The following ADGRE2 variants were observed in gnomAD, a reference collection of about 807,000 sequenced individuals.
The protein encoded by ADGRE2 is adhesion G protein-coupled receptor E2, also known as CD97 antigen.
Under a neutral mutation model 100.8 loss-of-function variants are expected in ADGRE2, and 83 were observed. That is an observed-to-expected ratio of 0.82 (90% CI 0.69 to 0.99). ADGRE2 has a LOEUF of 0.99. ADGRE2 is among the 50% of genes least tolerant of loss of function. ADGRE2 has a pLI of 0.00. For synonymous variants in ADGRE2, 355 were observed against 413.0 expected, an observed-to-expected ratio of 0.86 and a Z score of 1.70; for missense variants, 814 against 1,035.7, an observed-to-expected ratio of 0.79 and a Z score of 2.94.
intron 20 of ADGRE2, among the ~76,000 whole-genome samples, chr19:14,740,222 TTG>T (rs141784493): frequency 0.086 from 12,757 of 148,804 alleles, 1,837 homozygotes; most frequent in African/African-American, 0.3. Flanking sequence ...TGACTTGGAT[TTG>T]TGTGTGTGTG....
chr19:14,733,649 A>G lies in ADGRE2; in HGVS notation c.*2587T>C, dbSNP rs2042700497. ...AAACTCTCCCACCCTAAATCCTTAA[A>G]CACTCTTAGTCTGTAGAAAAGACTC... On this transcript the variant is annotated 3_prime_UTR_variant, in exon 21 of 21. Coordinates refer to ENST00000315576, the MANE Select transcript of ADGRE2 (RefSeq NM_013447.4). 2 of 152,200 alleles carry G rather than the reference A, an allele frequency of 1.3e-5. No homozygotes were observed. The highest frequency in any genetic ancestry group is 1.5e-5 in the Non-Finnish European group (1 of 68,056). 9.4% of individuals were successfully genotyped at this position (152,200 alleles called of 1,614,324 possible).
In ADGRE2 at chr19:14,732,466, A is replaced by C. The variant is rs1267747871; in HGVS notation, c.*3770T>G. Reference sequence around the variant, plus strand: ...TGGAGTGGAGCCTGCAATATCTCTGAGGTGTGTCTGTATGTGCTCATCACA... The same window carrying C: ...TGGAGTGGAGCCTGCAATATCTCTGCGGTGTGTCTGTATGTGCTCATCACA... On this transcript the variant is annotated 3_prime_UTR_variant, in exon 21 of 21. Coordinates refer to ENST00000315576, the MANE Select transcript of ADGRE2 (RefSeq NM_013447.4). 6.6e-6 allele frequency: 1 copy of C among 152,100 alleles called. No individual in the cohort carries two copies. Among genetic ancestry groups the C allele is most frequent in the East Asian group, 1.9e-4 (1 of 5,194 alleles). The allele number at this position is 152,100 out of a possible 1,614,324, so 9.4% of individuals were successfully genotyped here.
chr19:14,758,793 G>A (rs2147310519), intron 11 of ADGRE2, among the ~76,000 whole-genome samples: 3 of 151,858 alleles, frequency 2.0e-5, no homozygotes, highest in Non-Finnish European at 4.4e-5. Flanking sequence ...GCTGAGGCAG[G>A]AGAATGGCGT....
chr19:14,744,475 A>G (rs2043026427), intron 18 of ADGRE2, among the ~76,000 whole-genome samples: 2 of 151,982 alleles, frequency 1.3e-5, no homozygotes, highest in South Asian at 4.1e-4. Context: ...TATTTTTTTG[A>G]GATGGAATCT....
downstream of ADGRE2, among the ~76,000 whole-genome samples, chr19:14,730,251 C>T (rs1469482840): frequency 1.3e-5 from 2 of 152,106 alleles, no homozygotes; most frequent in Non-Finnish European, 2.9e-5. Context: ...GATGGGGTTT[C>T]ACCATGTTGG....
chr19:14,773,844 C>T, intron 4 of ADGRE2, 94 bp downstream of exon 4: 1 of 1,111,872 alleles, frequency 9.0e-7, no homozygotes, highest in Non-Finnish European at 1.4e-6. Context: ...GAAGGTAAGG[C>T]TGTGGCCCCT....
At chr19:14,769,801 C>T (rs572527687) in intron 5 of ADGRE2, among the ~76,000 whole-genome samples, 2 of 152,250 alleles carry the variant, frequency 1.3e-5, no homozygotes, top group East Asian at 3.9e-4. Flanking sequence ...CAGGTTCATG[C>T]CATTCTCCTG....
intron 16 of ADGRE2, 93 bp downstream of exon 16, chr19:14,751,343 A>G: frequency 1.1e-6 from 1 of 885,948 alleles, no homozygotes; most frequent in South Asian, 1.5e-5. Context: ...TACTGATCTA[A>G]TTAAAAGCAG....
chr19:14,743,557 C>G, intron 19 of ADGRE2, 27 bp from the exon 20 acceptor site: 1 of 1,613,276 alleles, frequency 6.2e-7, no homozygotes. Flanking sequence ...TGTACTGGGT[C>G]AGCTCACAGA....
chr19:14,771,621 C>CTTATTTATTTAT (rs369899556), intron 5 of ADGRE2, among the ~76,000 whole-genome samples: 39,257 of 143,238 alleles, frequency 0.27, 5,875 homozygotes, highest in Middle Eastern at 0.37. Flanking sequence ...GCATCCATTG[C>CTTATTTATTTAT]TTATTTATTT....
chr19:14,767,431 G>GTAATTTA (rs1357599289), intron 5 of ADGRE2, among the ~76,000 whole-genome samples: 4 of 151,956 alleles, frequency 2.6e-5, no homozygotes, highest in African/African-American at 9.7e-5. Flanking sequence ...GTATTAGACG[G>GTAATTTA]GGTTTCACCG....
chr19:14,736,248 A>G lies in ADGRE2; in HGVS notation c.2464-4T>C, dbSNP rs1449305726. 6 of 1,543,354 alleles carry G rather than the reference A, an allele frequency of 3.9e-6. No individual in the cohort carries two copies. Among genetic ancestry groups the G allele is most frequent in the African/African-American group, 1.4e-5 (1 of 73,592 alleles). The stretch of plus-strand genomic sequence containing the variant: ...TCAGAAGATTTTTCTAGTTAACCTG[A>G]AATATATATATATGTATGTATTTTG... On this transcript the variant is annotated splice_polypyrimidine_tract_variant and splice_region_variant and intron_variant, in intron 20 of 20. Transcript: ENST00000315576.
chr19:14,762,255 A>AT (rs963962720), intron 11 of ADGRE2, among the ~76,000 whole-genome samples: 1 of 151,872 alleles, frequency 6.6e-6, no homozygotes, highest in Non-Finnish European at 1.5e-5. Context: ...GGATGGATGG[A>AT]TAAAAAAAAA....
rs1030557530 is a variant in ADGRE2 at position 14,752,328 on chromosome 19, C to A, written c.1788+1G>T. On this transcript the variant is annotated splice_donor_variant, in intron 15 of 20. Transcript: ENST00000315576. LOFTEE classifies it high-confidence loss of function. ...GCCCTCTGGAACACCGCTGTCAATA[C>A]CTTGTGTCCGGTTTGATCAATTGCC... 4.3e-6 allele frequency: 7 copies of A among 1,614,044 alleles called. No homozygotes were observed. Among genetic ancestry groups the A allele is most frequent in the African/African-American group, 1.3e-5 (1 of 75,034 alleles).
At chr19:14,775,444 A>G (rs1411941927) in intron 2 of ADGRE2, among the ~76,000 whole-genome samples, 1 of 152,116 alleles carries the variant, frequency 6.6e-6, no homozygotes, top group Non-Finnish European at 1.5e-5. Context: ...GGTTTAAGGA[A>G]CTGAGGAGTA....
At position 14,736,159 on chromosome 19, in the gene ADGRE2, CT is replaced by C. The variant is rs2042740873; in HGVS notation, c.*76del. 1 of 1,366,046 alleles carries C rather than the reference CT, an allele frequency of 7.3e-7. No individual in the cohort carries two copies. The highest frequency in any genetic ancestry group is 1.2e-5 in the South Asian group (1 of 82,466). 84.6% of individuals were successfully genotyped at this position (1,366,046 alleles called of 1,614,324 possible). A position where few individuals can be genotyped will look rare whatever the true frequency, so the allele number is the denominator to read the frequency against. ...TGAAACACACAGAACAAAGTCTTTT[CT>C]TTCCCCTCTAGATGGCTCAAAGATT... On this transcript the variant is annotated 3_prime_UTR_variant, in exon 21 of 21. Transcript: ENST00000315576.
downstream of ADGRE2, among the ~76,000 whole-genome samples, chr19:14,730,111 G>A (rs557455067): frequency 6.6e-6 from 1 of 152,286 alleles, no homozygotes; most frequent in Admixed American, 6.5e-5. Context: ...GGAGTACAAT[G>A]GCACAATCTC....
chr19:14,776,975 TGCAC>T (rs766426551), intron 1 of ADGRE2, 48 bp from the exon 2 acceptor site: 1 of 640,898 alleles, frequency 1.6e-6, no homozygotes, highest in Non-Finnish European at 2.1e-6. Context: ...CCAGGGGCGC[TGCAC>T]ACACACACAC....
chr19:14,742,479 G>A (rs1035974584), intron 20 of ADGRE2, among the ~76,000 whole-genome samples: 13 of 152,140 alleles, frequency 8.5e-5, no homozygotes, highest in African/African-American at 3.1e-4. Context: ...CAGTTGTCCT[G>A]CCTCAGCCTC....
Sources: allele counts gnomAD v4.1 joint callset (sites outside exome capture counted in the v4.1 genomes callset), GRCh38; gene constraint gnomAD v4.1.1; transcripts MANE v1.5; gene names NCBI Gene and HGNC (gene_info 2026-07-23, HGNC 2026-07-21).